Variants in MUC5AC observed in about 807,000 individuals in gnomAD.
MUC5AC encodes the protein mucin 5AC, oligomeric mucus/gel-forming, also known as mucin-5AC.
Under a neutral mutation model 169.7 loss-of-function variants are expected in MUC5AC, and 158 were observed. The ratio of observed to expected loss-of-function variants is 0.93; its 90% confidence interval spans 0.82 to 1.06. MUC5AC has a LOEUF of 1.06. Among genes scored for constraint, MUC5AC ranks in the 50% least tolerant of loss-of-function variants. MUC5AC has a pLI of 0.00. For synonymous variants in MUC5AC, 1,975 were observed against 1,237.0 expected, an observed-to-expected ratio of 1.60 and a Z score of -12.52; for missense variants, 4,359 against 3,089.9, an observed-to-expected ratio of 1.41 and a Z score of -9.74.
intron 9 of MUC5AC, 34 bp downstream of exon 9, chr11:1,164,566 C>T: frequency 1.3e-6 from 2 of 1,581,556 alleles, no homozygotes; most frequent in South Asian, 2.3e-5. Flanking sequence ...AACACAGGTG[C>T]ACCCCGACAA....
rs1389255921 is a variant in MUC5AC at position 1,165,332 on chromosome 11, G to T, written c.1160G>T (p.Gly387Val). Reference protein sequence around the residue: ...GTVLDDIGQTGCVPVSKCACV... With the variant: ...GTVLDDIGQTVCVPVSKCACV... ...GTGCTTGACGACATCGGCCAGACCGGCTGTGTCCCTGTGTCAAAGTGTGCC... is the reference window on the plus strand; with the variant it reads ...GTGCTTGACGACATCGGCCAGACCGTCTGTGTCCCTGTGTCAAAGTGTGCC... The change falls in exon 10 of 49, where the codon GGC (glycine) becomes GTC (valine). Residue 387 changes from glycine to valine, a missense_variant. Transcript: ENST00000621226. 3 of 1,612,286 alleles carry T rather than the reference G, an allele frequency of 1.9e-6. No individual in the cohort carries two copies. The highest frequency in any genetic ancestry group is 2.5e-6 in the Non-Finnish European group (3 of 1,179,696).
intron 11 of MUC5AC, among the ~76,000 whole-genome samples, chr11:1,166,309 A>C (rs1860325211): frequency 7.7e-6 from 1 of 129,704 alleles, no homozygotes; most frequent in Non-Finnish European, 1.6e-5. Flanking sequence ...CCCAACACAC[A>C]GTCTCCCACG....
intron 4 of MUC5AC, 73 bp downstream of exon 4, chr11:1,162,241 C>T (rs1402438969): frequency 1.4e-5 from 22 of 1,559,550 alleles, no homozygotes; most frequent in South Asian, 6.0e-5. Context: ...TGCGGGGTTT[C>T]GCGGTCCTGG....
Position 1,186,390 on chromosome 11 carries a change from A to G in MUC5AC, c.8245A>G (p.Thr2749Ala). The G allele has an allele frequency of 2.8e-6, 2 of 707,792 alleles. No individual in the cohort carries two copies. Among genetic ancestry groups the G allele is most frequent in the Non-Finnish European group, 5.2e-6 (2 of 388,192 alleles). The allele number at this position is 707,792 out of a possible 1,614,324, so 43.8% of individuals were successfully genotyped here. The change falls in exon 31 of 49, where the codon ACC becomes GCC. Residue 2749 changes from threonine to alanine, a missense_variant. By Grantham distance (58) the Thr-to-Ala change is moderately conservative. Coordinates refer to ENST00000621226, the MANE Select transcript of MUC5AC (RefSeq NM_001304359.2). ...STTSAPTPRRTSAPTTSTISA... is the reference protein window; with the variant it reads ...STTSAPTPRRASAPTTSTISA... ...GACCTCTGCTCCTACACCCAGAAGAACCTCAGCCCCTACAACCAGCACAAT... is the reference window on the plus strand; with the variant it reads ...GACCTCTGCTCCTACACCCAGAAGAGCCTCAGCCCCTACAACCAGCACAAT...
At position 1,166,385 on chromosome 11, in the gene MUC5AC, C is replaced by T. The variant is rs28420143; in HGVS notation, c.1386+625C>T. Among the ~76,000 whole-genome samples the T allele has an allele frequency of 4.2e-5, 6 of 144,052 alleles. 1 individual carries two copies. The highest frequency in any genetic ancestry group is 1.6e-4 in the African/African-American group (6 of 37,616). 94.5% of individuals were successfully genotyped at this position (144,052 alleles called of 152,430 possible). A position where few individuals can be genotyped will look rare whatever the true frequency, so the allele number is the denominator to read the frequency against. On this transcript the variant is annotated intron_variant, in intron 11 of 48. Coordinates refer to ENST00000621226, the MANE Select transcript of MUC5AC (RefSeq NM_001304359.2). Reference sequence around the variant, plus strand: ...ACCCTGCACCCGACACACAGTCTCTCCACAATGAGACCCTGCACCCGACAC... The same window carrying T: ...ACCCTGCACCCGACACACAGTCTCTTCACAATGAGACCCTGCACCCGACAC...
Position 1,163,992 on chromosome 11 carries a change from G to A in MUC5AC, c.789+1G>A. On this transcript the variant is annotated splice_donor_variant, in intron 7 of 48. Coordinates refer to ENST00000621226, the MANE Select transcript of MUC5AC (RefSeq NM_001304359.2). LOFTEE classifies it high-confidence loss of function. ...CCCGAGGAACTGCTCCACTGGCTTT[G>A]TAAGCCTTGGAGGGAACAGAGGGCC... 5.0e-6 allele frequency: 8 copies of A among 1,610,168 alleles called. No individual in the cohort carries two copies. The highest frequency in any genetic ancestry group is 6.8e-6 in the Non-Finnish European group (8 of 1,178,690).
chr11:1,165,434 C>G lies in MUC5AC; in HGVS notation c.1247+15C>G. ...TGCACCAACTGGTAGGTCCCAGCCC[C>G]CCTCCAGGCCACCAAGGATGTGCTA... is the stretch of plus-strand genomic sequence containing the variant. On this transcript the variant is annotated intron_variant, in intron 10 of 48. Coordinates refer to ENST00000621226, the MANE Select transcript of MUC5AC (RefSeq NM_001304359.2). 6.9e-7 allele frequency: 1 copy of G among 1,455,844 alleles called. No homozygotes were observed. Among genetic ancestry groups the G allele is most frequent in the Non-Finnish European group, 9.0e-7 (1 of 1,108,846 alleles). 90.2% of individuals were successfully genotyped at this position (1,455,844 alleles called of 1,614,324 possible). A position where few individuals can be genotyped will look rare whatever the true frequency, so the allele number is the denominator to read the frequency against.
At chr11:1,175,538 C>T (rs1299536875) in intron 19 of MUC5AC, among the ~76,000 whole-genome samples, 6 of 149,890 alleles carry the variant, frequency 4.0e-5, no homozygotes, top group Non-Finnish European at 7.4e-5. Context: ...CATGCACACA[C>T]ACCCATTCAT....
chr11:1,185,461 C>G lies in MUC5AC; in HGVS notation c.7316C>G (p.Ala2439Gly). ...TSSPQTSTTS[A>G]PTTSTTSGPG... ...AGTCCACAGACCAGCACAACCTCGGCTCCTACAACCAGCACAACTTCTGGT... is the reference window on the plus strand; with the variant it reads ...AGTCCACAGACCAGCACAACCTCGGGTCCTACAACCAGCACAACTTCTGGT... The change falls in exon 31 of 49, where the codon GCT becomes GGT. Residue 2439 changes from alanine (A) to glycine (G), a missense_variant. Transcript: ENST00000621226. 1 of 728,168 alleles carries G rather than the reference C, an allele frequency of 1.4e-6. No homozygotes were observed. The highest frequency in any genetic ancestry group is 2.5e-6 in the Non-Finnish European group (1 of 399,320). The allele number at this position is 728,168 out of a possible 1,614,324, so 45.1% of individuals were successfully genotyped here. A position where few individuals can be genotyped will look rare whatever the true frequency, so the allele number is the denominator to read the frequency against.
Position 1,168,722 on chromosome 11 carries a change from G to T in MUC5AC, c.1648G>T (p.Val550Leu). ...GGGCCTGCAGCTGAACCTGCAGCTG[G>T]TGCCCACCATGCAGCTGTTCATGCA... Reference protein sequence around the residue: ...SLGLQLNLQLVPTMQLFMQLA... With the variant: ...SLGLQLNLQLLPTMQLFMQLA... The change falls in exon 14 of 49, where the codon GTG becomes TTG. Residue 550 changes from valine to leucine, a missense_variant. By Grantham distance (32) the Val-to-Leu change is conservative. Coordinates refer to ENST00000621226, the MANE Select transcript of MUC5AC (RefSeq NM_001304359.2). 6.2e-7 allele frequency: 1 copy of T among 1,610,380 alleles called. No individual in the cohort carries two copies. Among genetic ancestry groups the T allele is most frequent in the South Asian group, 1.1e-5 (1 of 91,024 alleles).
chr11:1,165,774 G>GC lies in MUC5AC; in HGVS notation c.1386+16dup. On this transcript the variant is annotated intron_variant, in intron 11 of 48. Coordinates refer to ENST00000621226, the MANE Select transcript of MUC5AC (RefSeq NM_001304359.2). ...GTGCTGACCAAGGTACGGCCTGGCT[G>GC]CCTGGGGTGCTCGCCGGACAGAGGG... The GC allele has an allele frequency of 2.5e-6, 4 of 1,611,122 alleles. No individual in the cohort carries two copies. In the South Asian group the frequency reaches 4.4e-5, roughly 18 times the overall value.
chr11:1,165,546 G>T, intron 10 of MUC5AC, 76 bp from the exon 11 acceptor site: 1 of 1,595,734 alleles, frequency 6.3e-7, no homozygotes, highest in East Asian at 2.3e-5. Context: ...GTGAGACCCG[G>T]TCAGCCTCCT....
Position 1,193,545 on chromosome 11 carries a change from A to G in MUC5AC, c.14641A>G (p.Ile4881Val). Residue 4881 changes from isoleucine (I) to valine (V), a missense_variant, in exon 33 of 49, where the codon ATC becomes GTC. By Grantham distance (29) the Ile-to-Val change is conservative (BLOSUM62 3). Coordinates refer to ENST00000621226, the MANE Select transcript of MUC5AC (RefSeq NM_001304359.2). The stretch of plus-strand genomic sequence containing the variant: ...GGCCACCTGTGAGGGCAACAACGTC[A>G]TCTCCCTGCGCCCGCGCACGTGCCC... ...SEATCEGNNV[I>V]SLRPRTCPRV... is the part of the protein sequence containing the mutation. 1.3e-6 allele frequency: 1 copy of G among 762,958 alleles called. No homozygotes were observed. Among genetic ancestry groups the G allele is most frequent in the Non-Finnish European group, 2.4e-6 (1 of 417,008 alleles). 47.3% of individuals were successfully genotyped at this position (762,958 alleles called of 1,614,324 possible).
In MUC5AC at chr11:1,196,637, C is replaced by T. The variant is rs746708647; in HGVS notation, c.15746C>T (p.Pro5249Leu). The T allele has an allele frequency of 7.9e-6, 6 of 762,702 alleles. No individual in the cohort carries two copies. The South Asian group carries it at 8.1e-5, about 10-fold the overall frequency. The allele number at this position is 762,702 out of a possible 1,614,324, so 47.2% of individuals were successfully genotyped here. Residue 5249 changes from proline (P) to leucine (L), a missense_variant, in exon 39 of 49, where the codon CCC (proline) becomes CTC (leucine). Coordinates refer to ENST00000621226, the MANE Select transcript of MUC5AC (RefSeq NM_001304359.2). ...TACAGGGCTCTGCCGGAGGCCGGCC[C>T]CATCACCGAAGGCTGCTTCTGTCCG... ...ASLGALPEAG[P>L]ITEGCFCPEG...
intron 48 of MUC5AC, among the ~76,000 whole-genome samples, chr11:1,200,219 C>T (rs1459960037): frequency 2.0e-5 from 3 of 152,254 alleles, no homozygotes; most frequent in African/African-American, 4.8e-5. Flanking sequence ...GCAGCCGCCC[C>T]GAGTCTCCCT....
Position 1,167,921 on chromosome 11 carries a change from G to A in MUC5AC, c.1431G>A (p.Arg477=), listed in dbSNP as rs1302298442. The A allele has an allele frequency of 7.1e-6, 11 of 1,550,580 alleles. No individual in the cohort carries two copies. Among genetic ancestry groups the A allele is most frequent in the Non-Finnish European group, 9.6e-6 (11 of 1,147,214 alleles). The change falls in exon 12 of 49, where the codon AGG becomes AGA. Residue 477 remains arginine (R), a synonymous_variant. Coordinates refer to ENST00000621226, the MANE Select transcript of MUC5AC (RefSeq NM_001304359.2). ...TCACTGTACTGGCTGAGCTGCGCAG[G>A]TGCGGGCTGACGGACAGCGAGACCT... ...SAFTVLAELR[R]CGLTDSETCL...
chr11:1,171,024 CCACT>C (rs1279937494), intron 15 of MUC5AC, among the ~76,000 whole-genome samples: 2 of 136,050 alleles, frequency 1.5e-5, no homozygotes, highest in Non-Finnish European at 3.2e-5. Context: ...ACCCATTCAC[CCACT>C]CACTCACCCA....
In MUC5AC at chr11:1,187,042, C is replaced by T; in HGVS notation, c.8897C>T (p.Ser2966Phe). Residue 2966 changes from serine to phenylalanine, a missense_variant, in exon 31 of 49, where the codon TCT becomes TTT. Coordinates refer to ENST00000621226, the MANE Select transcript of MUC5AC (RefSeq NM_001304359.2). Reference sequence around the variant, plus strand: ...TCTGTTCCTACCACCAGCACAACTTCTGCTTCTACAACCAGCACAACCTCT... The same window carrying T: ...TCTGTTCCTACCACCAGCACAACTTTTGCTTCTACAACCAGCACAACCTCT... ...TISVPTTSTT[S>F]ASTTSTTSGP... 2.7e-6 allele frequency: 2 copies of T among 750,186 alleles called. No homozygotes were observed. The highest frequency in any genetic ancestry group is 1.8e-5 in the Admixed American group (1 of 56,484). The allele number at this position is 750,186 out of a possible 1,614,324, so 46.5% of individuals were successfully genotyped here. A position where few individuals can be genotyped will look rare whatever the true frequency, so the allele number is the denominator to read the frequency against.
At position 1,199,549 on chromosome 11, in the gene MUC5AC, G is replaced by A. The variant is rs1861370174; in HGVS notation, c.16515+59G>A. ...GGCTTCACCCCTAGATGGGTTTGGG[G>A]GGCTGTGATCATCCCTGCAGCGCCA... On this transcript the variant is annotated intron_variant, in intron 46 of 48. Transcript: ENST00000621226. The A allele has an allele frequency of 1.0e-5, 7 of 698,578 alleles. No homozygotes were observed. The South Asian group carries it at 1.0e-4, about 10-fold the overall frequency. The allele number at this position is 698,578 out of a possible 1,614,324, so 43.3% of individuals were successfully genotyped here. A position where few individuals can be genotyped will look rare whatever the true frequency, so the allele number is the denominator to read the frequency against.
Sources: gnomAD v4.1 joint callset for allele counts (sites outside exome capture counted in the v4.1 genomes callset) on GRCh38, gnomAD v4.1.1 for gene constraint, MANE v1.5 for transcripts, NCBI Gene and HGNC (gene_info 2026-07-23, HGNC 2026-07-21) for gene names.